Variants in SLC24A2 observed in about 807,000 individuals in gnomAD.
The protein encoded by SLC24A2 is sodium/potassium/calcium exchanger 2.
In SLC24A2, 36 loss-of-function variants were observed where a neutral mutation model predicts 62.0. The observed-to-expected ratio is 0.58, with a 90% confidence interval of 0.44 to 0.77. SLC24A2 has a LOEUF of 0.77. SLC24A2 is among the 30% of genes least tolerant of loss of function. The pLI, the probability that SLC24A2 is intolerant of heterozygous loss-of-function variation, is 0.00. For missense variants in SLC24A2, 846 were observed against 817.9 expected (o/e 1.03, Z -0.42); for synonymous variants, 358 against 294.0 (o/e 1.22, Z -2.23).
At chr9:19,734,706 G>A (rs2118733188) in intron 2 of SLC24A2, among the ~76,000 whole-genome samples, 1 of 152,244 alleles carries the variant, frequency 6.6e-6, no homozygotes, top group East Asian at 1.9e-4. Flanking sequence ...GTATAAGAAT[G>A]CTTGTGATTT....
At chr9:20,142,211 C>G in the SLC24A2 span, among the ~76,000 whole-genome samples, 403 of 152,200 alleles carry the variant, frequency 2.6e-3, 1 homozygote, top group Admixed American at 4.1e-3. Flanking sequence ...AAGAGTTCTG[C>G]AGGAAAGAAT....
chr9:19,648,593 A>C (rs1025583749), intron 2 of SLC24A2, among the ~76,000 whole-genome samples: 2 of 152,226 alleles, frequency 1.3e-5, no homozygotes, highest in African/African-American at 4.8e-5. Flanking sequence ...GTAGAAAGAA[A>C]GCCCAGAATA....
chr9:19,670,695 C>A (rs1215085568), intron 2 of SLC24A2, among the ~76,000 whole-genome samples: 1 of 152,126 alleles, frequency 6.6e-6, no homozygotes, highest in African/African-American at 2.4e-5. Flanking sequence ...ATTCCCAGGC[C>A]CATAAATATA....
chr9:19,913,004 C>G, the SLC24A2 span, among the ~76,000 whole-genome samples: 299 of 152,250 alleles, frequency 2.0e-3, 6 homozygotes, highest in South Asian at 0.027. Context: ...AAGCCTATGA[C>G]TCAGGTCTCC....
At chr9:19,787,125 GGGTAA>G (rs1203293087) in intron 1 of SLC24A2, 106 bp from the exon 2 acceptor site, 1 of 566,416 alleles carries the variant, frequency 1.8e-6, no homozygotes, top group Non-Finnish European at 2.2e-6. Context: ...GTGCGATCTT[GGGTAA>G]GTTACTTAAC....
At chr9:19,520,760 A>G in intron 10 of SLC24A2, 134 bp downstream of exon 10, 1 of 814,578 alleles carries the variant, frequency 1.2e-6, no homozygotes, top group Non-Finnish European at 2.1e-6. Context: ...ATGCAATGGT[A>G]TTCTCAATCT....
intron 7 of SLC24A2, among the ~76,000 whole-genome samples, chr9:19,551,618 G>C (rs906658714): frequency 6.6e-6 from 1 of 152,106 alleles, no homozygotes; most frequent in African/African-American, 2.4e-5. Flanking sequence ...ACTTTAGAAA[G>C]CTCCTACCCC....
chr9:20,177,491 T>C, the SLC24A2 span, among the ~76,000 whole-genome samples: 1 of 152,120 alleles, frequency 6.6e-6, no homozygotes, highest in African/African-American at 2.4e-5. Context: ...ACCCTTTTTC[T>C]GAGCAGCAGG....
At chr9:20,051,733 A>G in the SLC24A2 span, among the ~76,000 whole-genome samples, 2 of 126,782 alleles carry the variant, frequency 1.6e-5, no homozygotes, top group East Asian at 4.6e-4. Context: ...TGTGTATATC[A>G]TTTCAAAGAT....
the SLC24A2 span, among the ~76,000 whole-genome samples, chr9:20,012,333 T>G: frequency 6.6e-6 from 1 of 152,152 alleles, no homozygotes; most frequent in African/African-American, 2.4e-5. Flanking sequence ...GAAACTCCCC[T>G]TTTTAAACCA....
the SLC24A2 span, among the ~76,000 whole-genome samples, chr9:19,991,939 T>G: frequency 6.6e-6 from 1 of 152,076 alleles, no homozygotes; most frequent in South Asian, 2.1e-4. Context: ...GCAACAGGAC[T>G]TGGGGACTGG....
chr9:19,868,562 C>A, the SLC24A2 span, among the ~76,000 whole-genome samples: 1 of 152,132 alleles, frequency 6.6e-6, no homozygotes, highest in East Asian at 1.9e-4. Context: ...GCTGTTCTTT[C>A]CATTTTTTGA....
the SLC24A2 span, among the ~76,000 whole-genome samples, chr9:20,266,411 T>C: frequency 3.3e-4 from 50 of 152,168 alleles, no homozygotes. Context: ...CAATACCCAG[T>C]CTCTGGGTGT....
the SLC24A2 span, among the ~76,000 whole-genome samples, chr9:19,911,366 C>T: frequency 7.9e-5 from 12 of 151,972 alleles, no homozygotes; most frequent in African/African-American, 2.7e-4. Context: ...TGAATAGTGC[C>T]GCAATAAACA....
At chr9:19,863,907 T>G in the SLC24A2 span, among the ~76,000 whole-genome samples, 1 of 151,930 alleles carries the variant, frequency 6.6e-6, no homozygotes, top group African/African-American at 2.4e-5. Flanking sequence ...AAAAGTTGTT[T>G]TTTTAAAAAG....
At chr9:20,264,111 C>T in the SLC24A2 span, among the ~76,000 whole-genome samples, 2 of 152,136 alleles carry the variant, frequency 1.3e-5, no homozygotes, top group Non-Finnish European at 2.9e-5. Flanking sequence ...CAACACAAAG[C>T]ATTGCATGAG....
the SLC24A2 span, among the ~76,000 whole-genome samples, chr9:20,221,937 A>C: frequency 1.3e-5 from 2 of 152,120 alleles, no homozygotes; most frequent in Admixed American, 6.6e-5. Context: ...AATTAGAAGA[A>C]AAGTGAACCC....
the SLC24A2 span, among the ~76,000 whole-genome samples, chr9:20,025,207 A>T: frequency 6.6e-6 from 1 of 152,176 alleles, no homozygotes; most frequent in Non-Finnish European, 1.5e-5. Context: ...CTCACTAATG[A>T]ATTGTGTCCT....
the SLC24A2 span, among the ~76,000 whole-genome samples, chr9:20,106,886 T>C: frequency 4.6e-5 from 7 of 152,058 alleles, no homozygotes; most frequent in Non-Finnish European, 8.8e-5. Context: ...GGGTATTCAA[T>C]TAGGAAAAGA....
Sources: allele counts gnomAD v4.1 joint callset (sites outside exome capture counted in the v4.1 genomes callset), GRCh38; gene constraint gnomAD v4.1.1; transcripts MANE v1.5; gene names NCBI Gene and HGNC (gene_info 2026-07-23, HGNC 2026-07-21).